Variants in CSNK1E observed in about 807,000 individuals in gnomAD.
The protein encoded by CSNK1E is casein kinase I isoform epsilon.
Under a neutral mutation model 46.1 loss-of-function variants are expected in CSNK1E, and 17 were observed. The ratio of observed to expected loss-of-function variants is 0.37; its 90% CI spans 0.25 to 0.55. CSNK1E has a LOEUF of 0.55. Among genes scored for constraint, CSNK1E ranks in the 20% least tolerant of loss-of-function variants. CSNK1E has a pLI of 0.82. For synonymous variants in CSNK1E, 241 were observed against 242.6 expected (o/e 0.99, Z 0.06); for missense variants, 386 against 595.4 (o/e 0.65, Z 3.66).
rs916158662 is a variant in CSNK1E at position 38,303,724 on chromosome 22, T to G, written c.77-476A>C. Among the ~76,000 whole-genome samples the G allele has an allele frequency of 1.3e-5, 2 of 152,120 alleles. No individual in the cohort carries two copies. The highest frequency in any genetic ancestry group is 1.5e-5 in the Non-Finnish European group (1 of 68,010). On this transcript the variant is annotated intron_variant, in intron 2 of 10. Coordinates refer to ENST00000396832, the MANE Select transcript of CSNK1E (RefSeq NM_152221.3). This position sits in a 1 kb window ranked among gnomAD's most constrained non-coding sequence, Gnocchi z 4.7. Reference sequence around the variant, plus strand: ...AGGATGGGACAGCCGCAGCAACCCCTCAGTCAATGCTGATGCCTTCAGAGG... The same window carrying G: ...AGGATGGGACAGCCGCAGCAACCCCGCAGTCAATGCTGATGCCTTCAGAGG...
At position 38,302,654 on chromosome 22, in the gene CSNK1E, C is replaced by T. The variant is rs369123578; in HGVS notation, c.336+207G>A. Among the ~76,000 whole-genome samples the T allele has an allele frequency of 2.4e-4, 36 of 152,272 alleles. No individual in the cohort carries two copies. The East Asian group carries it at 3.1e-3, about 13-fold the overall frequency. ...TGAACCTGGGAGGCGGATGTTGCAA[C>T]GAGCTGAGATCGCACCACTGCGCTC... On this transcript the variant is annotated intron_variant, in intron 4 of 10. Transcript: ENST00000396832.
intron 2 of CSNK1E, among the ~76,000 whole-genome samples, chr22:38,307,144 C>T (rs1309398129): frequency 6.6e-6 from 1 of 151,984 alleles, no homozygotes; most frequent in Non-Finnish European, 1.5e-5. Flanking sequence ...ACACTCCAGC[C>T]TGGGTGACAG....
At chr22:38,306,351 C>T (rs999790615) in intron 2 of CSNK1E, among the ~76,000 whole-genome samples, 3 of 152,192 alleles carry the variant, frequency 2.0e-5, no homozygotes, top group Non-Finnish European at 4.4e-5. Flanking sequence ...AGATGTAATT[C>T]AGATAACTCT....
chr22:38,305,121 CAAAAAAAAAAAA>C (rs33987200), intron 2 of CSNK1E, among the ~76,000 whole-genome samples: 2,427 of 53,044 alleles, frequency 0.046, 83 homozygotes, highest in African/African-American at 0.16. Context: ...AACTCCAGCT[CAAAAAAAAAAAA>C]AAAAAAAAAA....
chr22:38,298,176 G>T lies in CSNK1E; in HGVS notation c.885+610C>A, dbSNP rs578198212. The T allele has an allele frequency of 1.2e-5, 15 of 1,303,548 alleles. No individual in the cohort carries two copies. In the Admixed American group the frequency reaches 3.5e-4, roughly 30 times the overall value. The allele number at this position is 1,303,548 out of a possible 1,614,324, so 80.7% of individuals were successfully genotyped here. On this transcript the variant is annotated intron_variant, in intron 7 of 10. Coordinates refer to ENST00000396832, the MANE Select transcript of CSNK1E (RefSeq NM_152221.3). The surrounding 1 kb of genome is among the most constrained non-coding windows in gnomAD (Gnocchi z 4.2). ...CCCTTCGCTGTCATGGGGCTGTCAC[G>T]GGGCTGAGCCTGGCTCGAGGAAGCC...
chr22:38,298,671 G>A lies in CSNK1E; in HGVS notation c.885+115C>T, dbSNP rs902547210. The A allele has an allele frequency of 2.4e-6, 3 of 1,243,166 alleles. No individual in the cohort carries two copies. The highest frequency in any genetic ancestry group is 2.3e-5 in the East Asian group (1 of 42,872). 77.0% of individuals were successfully genotyped at this position (1,243,166 alleles called of 1,614,324 possible). ...CCAGTGAGGTCAACCACACTGTCCA[G>A]CTCGTACCTCCCGTCTGTCGGGAGC... On this transcript the variant is annotated intron_variant, in intron 7 of 10. Transcript: ENST00000396832. The surrounding 1 kb of genome is among the most constrained non-coding windows in gnomAD (Gnocchi z 4.2).
intron 2 of CSNK1E, among the ~76,000 whole-genome samples, chr22:38,305,869 G>C (rs112796204): frequency 0.044 from 6,703 of 152,118 alleles, 437 homozygotes; most frequent in African/African-American, 0.15. Flanking sequence ...GGGATTTGAC[G>C]CTACTCAGCC....
At chr22:38,315,296 C>A (rs1342428269) in intron 1 of CSNK1E, among the ~76,000 whole-genome samples, 1 of 152,242 alleles carries the variant, frequency 6.6e-6, no homozygotes, top group Non-Finnish European at 1.5e-5. Context: ...CCAGGCCAGC[C>A]TGGGAGGGAG....
chr22:38,306,490 T>G (rs2092699182), intron 2 of CSNK1E, among the ~76,000 whole-genome samples: 1 of 152,142 alleles, frequency 6.6e-6, no homozygotes, highest in African/African-American at 2.4e-5. Flanking sequence ...CCCAGCACTT[T>G]GAGAGGCCGA....
In CSNK1E at chr22:38,299,868, C is replaced by T. The variant is rs201174621; in HGVS notation, c.736+27G>A. 4,919 of 1,608,156 alleles carry T rather than the reference C, an allele frequency of 3.1e-3. 11 individuals are homozygous for T. Among genetic ancestry groups the T allele is most frequent in the Non-Finnish European group, 3.9e-3 (4,537 of 1,175,626 alleles). On this transcript the variant is annotated intron_variant, in intron 6 of 10. Coordinates refer to ENST00000396832, the MANE Select transcript of CSNK1E (RefSeq NM_152221.3). Reference sequence around the variant, plus strand: ...AGACAGTGCCTCAGGGGCCCCCAGGCATGTCCCCTCCCACTGGGCTACTCA... The same window carrying T: ...AGACAGTGCCTCAGGGGCCCCCAGGTATGTCCCCTCCCACTGGGCTACTCA...
At position 38,294,616 on chromosome 22, in the gene CSNK1E, G is replaced by T. The variant is rs543880990; in HGVS notation, c.886-82C>A. On this transcript the variant is annotated intron_variant, in intron 7 of 10. Transcript: ENST00000396832. This position sits in a 1 kb window ranked among gnomAD's most constrained non-coding sequence, Gnocchi z 5.5. Reference sequence around the variant, plus strand: ...CCAGCAGCCCTGCAGGGCACAGAAGGGGAGGGAGGCCAGGTGGATATCTCA... The same window carrying T: ...CCAGCAGCCCTGCAGGGCACAGAAGTGGAGGGAGGCCAGGTGGATATCTCA... The T allele has an allele frequency of 1.2e-4, 155 of 1,338,740 alleles. 1 individual carries two copies. In the African/African-American group the frequency reaches 2.0e-3, roughly 17 times the overall value. The allele number at this position is 1,338,740 out of a possible 1,614,324, so 82.9% of individuals were successfully genotyped here. A position where few individuals can be genotyped will look rare whatever the true frequency, so the allele number is the denominator to read the frequency against.
rs534857142 is a variant in CSNK1E, at chr22:38,298,646, C to A, written c.885+140G>T. The A allele has an allele frequency of 1.3e-4, 124 of 951,560 alleles. 1 individual carries two copies. The East Asian group carries it at 2.8e-3, about 22-fold the overall frequency. 58.9% of individuals were successfully genotyped at this position (951,560 alleles called of 1,614,324 possible). On this transcript the variant is annotated intron_variant, in intron 7 of 10. Coordinates refer to ENST00000396832, the MANE Select transcript of CSNK1E (RefSeq NM_152221.3). The surrounding 1 kb of genome is among the most constrained non-coding windows in gnomAD (Gnocchi z 4.2). ...GATGAGGCTGGAGGGCTCTGGGACC[C>A]CAGTGAGGTCAACCACACTGTCCAG... is the stretch of plus-strand genomic sequence containing the variant.
rs1373294067 is a variant in CSNK1E at position 38,291,542 on chromosome 22, T to G, written c.*429A>C. ...GAGGCTCGGAAAACTCGGTGGGAACTGCCTTCAACTGACTACACCACTCCC... is the reference window on the plus strand; with the variant it reads ...GAGGCTCGGAAAACTCGGTGGGAACGGCCTTCAACTGACTACACCACTCCC... On this transcript the variant is annotated 3_prime_UTR_variant, in exon 11 of 11. Coordinates refer to ENST00000396832, the MANE Select transcript of CSNK1E (RefSeq NM_152221.3). The G allele has an allele frequency of 6.6e-6, 1 of 152,196 alleles. No individual in the cohort carries two copies. The highest frequency in any genetic ancestry group is 1.5e-5 in the Non-Finnish European group (1 of 68,128). The allele number at this position is 152,196 out of a possible 1,614,324, so 9.4% of individuals were successfully genotyped here. A position where few individuals can be genotyped will look rare whatever the true frequency, so the allele number is the denominator to read the frequency against.
chr22:38,294,883 C>T lies in CSNK1E; in HGVS notation c.886-349G>A, dbSNP rs2075984. Among the ~76,000 whole-genome samples the T allele has an allele frequency of 5.3e-5, 8 of 152,136 alleles. 1 individual carries two copies. The East Asian group carries it at 1.6e-3, about 30-fold the overall frequency. ...CTGGGGCTGGGCCTGCCCTGGCCCC[C>T]CTCTGTGTACCAAGAGCCCTTAACT... On this transcript the variant is annotated intron_variant, in intron 7 of 10. Coordinates refer to ENST00000396832, the MANE Select transcript of CSNK1E (RefSeq NM_152221.3). The surrounding 1 kb of genome is among the most constrained non-coding windows in gnomAD (Gnocchi z 5.5).
In CSNK1E at chr22:38,303,303, C is replaced by T. The variant is rs144749607; in HGVS notation, c.77-55G>A. 3.1e-4 allele frequency: 445 copies of T among 1,436,552 alleles called. 4 individuals are homozygous for T. In the East Asian group the frequency reaches 9.4e-3, roughly 30 times the overall value. 89.0% of individuals were successfully genotyped at this position (1,436,552 alleles called of 1,614,324 possible). A position where few individuals can be genotyped will look rare whatever the true frequency, so the allele number is the denominator to read the frequency against. ...GGTCACCCTCAAAGGCCAGGCAGTC[C>T]CAGGCGCCCCACTAAGCATTTCTGA... On this transcript the variant is annotated intron_variant, in intron 2 of 10. Transcript: ENST00000396832. This position sits in a 1 kb window ranked among gnomAD's most constrained non-coding sequence, Gnocchi z 4.7.
In CSNK1E at chr22:38,303,113, C is replaced by T. The variant is rs2092682135; in HGVS notation, c.187+25G>A. The stretch of plus-strand genomic sequence containing the variant: ...CTGCCCACCGCCACCCACCCGGCGC[C>T]CGCCGCCGCCCACCCTGCGCTCACC... On this transcript the variant is annotated intron_variant, in intron 3 of 10. Transcript: ENST00000396832. The surrounding 1 kb of genome is among the most constrained non-coding windows in gnomAD (Gnocchi z 4.7). 3 of 1,599,424 alleles carry T rather than the reference C, an allele frequency of 1.9e-6. No individual in the cohort carries two copies. The highest frequency in any genetic ancestry group is 1.7e-5 in the Admixed American group (1 of 59,026).
At position 38,303,347 on chromosome 22, in the gene CSNK1E, C is replaced by G. The variant is rs2092683627; in HGVS notation, c.77-99G>C. The G allele has an allele frequency of 2.8e-6, 3 of 1,055,702 alleles. No individual in the cohort carries two copies. The highest frequency in any genetic ancestry group is 1.6e-5 in the African/African-American group (1 of 62,902). The allele number at this position is 1,055,702 out of a possible 1,614,324, so 65.4% of individuals were successfully genotyped here. ...TTTCTGAGATCTGGCGTGTGCCGGGCCCGGGGCCATCTGCCCTTGAGGAGC... is the reference window on the plus strand; with the variant it reads ...TTTCTGAGATCTGGCGTGTGCCGGGGCCGGGGCCATCTGCCCTTGAGGAGC... On this transcript the variant is annotated intron_variant, in intron 2 of 10. Coordinates refer to ENST00000396832, the MANE Select transcript of CSNK1E (RefSeq NM_152221.3). The surrounding 1 kb of genome is among the most constrained non-coding windows in gnomAD (Gnocchi z 4.7).
chr22:38,301,441 T>A (rs868323915), intron 4 of CSNK1E, among the ~76,000 whole-genome samples: 4 of 149,856 alleles, frequency 2.7e-5, no homozygotes, highest in South Asian at 2.1e-4. Flanking sequence ...CCTTTGATAT[T>A]TTTTTTTTTG....
Position 38,300,572 on chromosome 22 carries a change from T to C in CSNK1E, c.565+152A>G. On this transcript the variant is annotated intron_variant, in intron 5 of 10. Transcript: ENST00000396832. The surrounding 1 kb of genome is among the most constrained non-coding windows in gnomAD (Gnocchi z 4.4). ...GACCCGACTGTGCAAGGACACGGAA[T>C]AAGCACGAGCTTGGGGGCAGACGGG... 1 of 738,460 alleles carries C rather than the reference T, an allele frequency of 1.4e-6. No individual in the cohort carries two copies. Among genetic ancestry groups the C allele is most frequent in the East Asian group, 2.7e-5 (1 of 37,462 alleles). 45.7% of individuals were successfully genotyped at this position (738,460 alleles called of 1,614,324 possible). A position where few individuals can be genotyped will look rare whatever the true frequency, so the allele number is the denominator to read the frequency against.
Sources: allele counts gnomAD v4.1 joint callset (sites outside exome capture counted in the v4.1 genomes callset), GRCh38; gene constraint gnomAD v4.1.1; non-coding constraint Gnocchi (gnomAD v3.1); transcripts MANE v1.5; gene names NCBI Gene and HGNC (gene_info 2026-07-23, HGNC 2026-07-21).